The following DOCK5 variants were observed in gnomAD, a reference collection of about 807,000 sequenced individuals.
The protein encoded by DOCK5 is dedicator of cytokinesis 5, also known as dedicator of cytokinesis protein 5.
In DOCK5, 142 loss-of-function variants were observed where a neutral mutation model predicts 251.8. The ratio of observed to expected loss-of-function variants is 0.56; its 90% CI spans 0.49 to 0.65. DOCK5 has a LOEUF of 0.65. Ranked by LOEUF, DOCK5 falls within the 30% of genes least tolerant of loss-of-function variation. The pLI is 0.00. For synonymous variants in DOCK5, 842 were observed against 835.5 expected (o/e 1.01, Z -0.13); for missense variants, 2,111 against 2,312.3 (o/e 0.91, Z 1.79).
At position 25,319,671 on chromosome 8, in the gene DOCK5, G is replaced by C. The variant is rs767005534; in HGVS notation, c.1537G>C (p.Val513Leu). The change falls in exon 15 of 52, where the codon GTC (valine) becomes CTC (leucine). Residue 513 changes from valine to leucine, a missense_variant. Around this residue, in one of 3 missense-constraint regions of DOCK5, gnomAD observed 1,717 missense variants for 1,892.4 expected, o/e 0.91. Coordinates refer to ENST00000276440, the MANE Select transcript of DOCK5 (RefSeq NM_024940.8). The stretch of plus-strand genomic sequence containing the variant: ...CAAGCAGCCCTGTTGGTATGAGACT[G>C]TCAAGGTGAGAATGAGTCATTTGTA... ...QVKQPCWYET[V>L]KVSIAIEEVT... is the part of the protein sequence containing the mutation. 5 of 1,577,046 alleles carry C rather than the reference G, an allele frequency of 3.2e-6. No homozygotes were observed. In the South Asian group the frequency reaches 4.7e-5, roughly 15 times the overall value.
At chr8:25,328,110 T>C (rs1805605071) in intron 18 of DOCK5, among the ~76,000 whole-genome samples, 1 of 152,080 alleles carries the variant, frequency 6.6e-6, no homozygotes, top group Admixed American at 6.6e-5. Flanking sequence ...GTGAGTTTTG[T>C]GTTGGGCAGA....
intron 11 of DOCK5, 96 bp downstream of exon 11, chr8:25,304,423 C>T (rs975927409): frequency 1.9e-6 from 2 of 1,072,300 alleles, no homozygotes; most frequent in Non-Finnish European, 2.6e-6. Flanking sequence ...ACCATTTTCT[C>T]AGAGAAGGAA....
chr8:25,184,699 T>C lies in DOCK5; in HGVS notation c.-210T>C, dbSNP rs1586208804. The C allele has an allele frequency of 5.3e-6, 1 of 188,026 alleles. No individual in the cohort carries two copies. Among genetic ancestry groups the C allele is most frequent in the Non-Finnish European group, 1.0e-5 (1 of 97,640 alleles). 11.6% of individuals were successfully genotyped at this position (188,026 alleles called of 1,614,324 possible). On this transcript the variant is annotated 5_prime_UTR_variant, in exon 1 of 52. Coordinates refer to ENST00000276440, the MANE Select transcript of DOCK5 (RefSeq NM_024940.8). ...CCAGGAGGGGCGCGCACTGCTGCGC[T>C]GCAGCCCGGCCCAGCAGGTGACCGC...
intron 5 of DOCK5, among the ~76,000 whole-genome samples, chr8:25,283,507 T>C (rs1804254993): frequency 6.6e-6 from 1 of 152,176 alleles, no homozygotes; most frequent in Admixed American, 6.5e-5. Context: ...GTGGCTGTGA[T>C]CTGTGCTGCT....
chr8:25,368,220 T>C lies in DOCK5; in HGVS notation c.3253T>C (p.Phe1085Leu). The change falls in exon 32 of 52, where the codon TTT becomes CTT. Residue 1085 changes from phenylalanine to leucine, a missense_variant. By Grantham distance (22) the Phe-to-Leu change is conservative. Coordinates refer to ENST00000276440, the MANE Select transcript of DOCK5 (RefSeq NM_024940.8). ...KYGDMRKEIG[F>L]RIRDMWYNLG... ...TGGGGACATGAGAAAGGAAATCGGCTTTAGAATCCGGGACATGTGGTATAA... is the reference window on the plus strand; with the variant it reads ...TGGGGACATGAGAAAGGAAATCGGCCTTAGAATCCGGGACATGTGGTATAA... 1 of 1,612,868 alleles carries C rather than the reference T, an allele frequency of 6.2e-7. No individual in the cohort carries two copies. The highest frequency in any genetic ancestry group is 2.2e-5 in the East Asian group (1 of 44,864).
intron 10 of DOCK5, among the ~76,000 whole-genome samples, chr8:25,303,364 G>A (rs879655343): frequency 2.0e-5 from 3 of 152,078 alleles, no homozygotes; most frequent in African/African-American, 4.8e-5. Flanking sequence ...TGATTTTAGT[G>A]GAATAAAATA....
chr8:25,351,789 G>T lies in DOCK5; in HGVS notation c.2813G>T (p.Arg938Leu). Reference sequence around the variant, plus strand: ...GAACGGCTGCTGAGAAGGATCAACCGGACAGTGATTGGGATGAACCGGCAG... The same window carrying T: ...GAACGGCTGCTGAGAAGGATCAACCTGACAGTGATTGGGATGAACCGGCAG... ...IMERLLRRIN[R>L]TVIGMNRQSP... is the part of the protein sequence containing the mutation. Residue 938 changes from arginine to leucine, a missense_variant, in exon 27 of 52, where the codon CGG (arginine) becomes CTG (leucine). By Grantham distance (102) the Arg-to-Leu change is moderately radical. This residue lies in a region of DOCK5 where 1,717 missense variants were observed against 1,892.4 expected (regional missense o/e 0.91). Coordinates refer to ENST00000276440, the MANE Select transcript of DOCK5 (RefSeq NM_024940.8). 6.2e-7 allele frequency: 1 copy of T among 1,613,846 alleles called. No individual in the cohort carries two copies. The highest frequency in any genetic ancestry group is 8.5e-7 in the Non-Finnish European group (1 of 1,179,842).
In DOCK5 at chr8:25,351,845, G is replaced by C; in HGVS notation, c.2850+19G>C. ...CCACATCGTGAGTATCTCTTTGTTG[G>C]ATCCCACGGCCGCTGCTGTTTCTCT... is the stretch of plus-strand genomic sequence containing the variant. On this transcript the variant is annotated intron_variant, in intron 27 of 51. Transcript: ENST00000276440. The C allele has an allele frequency of 6.2e-7, 1 of 1,606,814 alleles. No homozygotes were observed. Among genetic ancestry groups the C allele is most frequent in the Middle Eastern group, 1.7e-4 (1 of 6,046 alleles).
At chr8:25,392,060 C>G in intron 43 of DOCK5, 80 bp downstream of exon 43, 1 of 1,360,282 alleles carries the variant, frequency 7.4e-7, no homozygotes, top group Non-Finnish European at 1.0e-6. Flanking sequence ...TCCCAGCATT[C>G]TGGGAGGCCG....
chr8:25,378,946 C>T (rs910246099), intron 38 of DOCK5, among the ~76,000 whole-genome samples: 9 of 152,242 alleles, frequency 5.9e-5, no homozygotes, highest in African/African-American at 2.2e-4. Flanking sequence ...CCGTGATGCC[C>T]ACCTGAGCTG....
intron 40 of DOCK5, among the ~76,000 whole-genome samples, chr8:25,385,296 C>T (rs1801145339): frequency 6.6e-6 from 1 of 152,106 alleles, no homozygotes; most frequent in African/African-American, 2.4e-5. Context: ...GGAGGTGCTG[C>T]AGGTAAACCA....
intron 16 of DOCK5, among the ~76,000 whole-genome samples, chr8:25,322,345 T>C (rs1805446193): frequency 6.6e-6 from 1 of 152,260 alleles, no homozygotes; most frequent in Non-Finnish European, 1.5e-5. Context: ...GGGGGATTTA[T>C]GCATATGACC....
At chr8:25,223,058 G>A (rs1802433944) in intron 1 of DOCK5, among the ~76,000 whole-genome samples, 1 of 152,148 alleles carries the variant, frequency 6.6e-6, no homozygotes, top group South Asian at 2.1e-4. Context: ...TTACCTAGGA[G>A]CCAAGTTTTG....
At chr8:25,198,571 C>CAA (rs71214556) in intron 1 of DOCK5, among the ~76,000 whole-genome samples, 9 of 147,242 alleles carry the variant, frequency 6.1e-5, no homozygotes, top group African/African-American at 1.3e-4. Context: ...GACTCCATCT[C>CAA]AAAAAAAAAA....
At chr8:25,360,903 A>G (rs1042581419) in intron 28 of DOCK5, among the ~76,000 whole-genome samples, 2 of 152,194 alleles carry the variant, frequency 1.3e-5, no homozygotes, top group South Asian at 2.1e-4. Flanking sequence ...GTTTGCCAGC[A>G]TGGTGTTGAG....
At chr8:25,246,362 C>T (rs1292163829) in intron 2 of DOCK5, among the ~76,000 whole-genome samples, 1 of 152,200 alleles carries the variant, frequency 6.6e-6, no homozygotes, top group Non-Finnish European at 1.5e-5. Context: ...TGATCTCCGT[C>T]TCCCGAGTTC....
intron 2 of DOCK5, among the ~76,000 whole-genome samples, chr8:25,267,911 G>A (rs957101277): frequency 6.6e-6 from 1 of 151,468 alleles, no homozygotes; most frequent in African/African-American, 2.4e-5. Context: ...TGCCTAGGCT[G>A]GAGTGCAGTG....
chr8:25,210,068 GTATCTGTCTATTTATC>G (rs1802097745), intron 1 of DOCK5, among the ~76,000 whole-genome samples: 1 of 19,110 alleles, frequency 5.2e-5, no homozygotes, highest in African/African-American at 1.5e-4. Context: ...GTGTGTGTGT[GTATCTGTCTATTTATC>G]TATCTATCTA....
At chr8:25,266,498 T>C (rs945825895) in intron 2 of DOCK5, among the ~76,000 whole-genome samples, 2 of 151,868 alleles carry the variant, frequency 1.3e-5, no homozygotes, top group African/African-American at 4.9e-5. Flanking sequence ...TACAGCATTA[T>C]GCCTTCTTAA....
Sources: gnomAD v4.1 joint callset for allele counts (sites outside exome capture counted in the v4.1 genomes callset) on GRCh38, gnomAD v4.1.1 for gene constraint, gnomAD v4.1.1 regional missense constraint, MANE v1.5 for transcripts, NCBI Gene and HGNC (gene_info 2026-07-23, HGNC 2026-07-21) for gene names.